Variants in NUP98 observed in about 807,000 individuals in gnomAD.
NUP98 encodes the protein nucleoporin 98 and 96 precursor.
Under a neutral mutation model 191.9 loss-of-function variants are expected in NUP98, and 26 were observed. The ratio of observed to expected loss-of-function variants is 0.14; its 90% confidence interval spans 0.10 to 0.19. The LOEUF (loss-of-function observed/expected upper bound fraction) is 0.19, where lower values mean the gene tolerates loss of function less well. NUP98 is among the 10% of genes least tolerant of loss of function. NUP98 has a pLI of 1.00. For missense variants in NUP98, 1,941 were observed against 2,178.8 expected (o/e 0.89, Z 2.17); for synonymous variants, 808 against 778.4 (o/e 1.04, Z -0.63).
At chr11:3,721,274 C>T (rs1203836500) in intron 16 of NUP98, among the ~76,000 whole-genome samples, 1 of 152,142 alleles carries the variant, frequency 6.6e-6, no homozygotes, top group Non-Finnish European at 1.5e-5. Context: ...CTTGTGTTGG[C>T]TTATACTGTA....
intron 10 of NUP98, 85 bp from the exon 11 acceptor site, chr11:3,753,493 G>A: frequency 9.7e-7 from 1 of 1,026,320 alleles, no homozygotes; most frequent in Non-Finnish European, 1.5e-6. Context: ...AAAGCAGTCT[G>A]ACTTTAAGTT....
At chr11:3,766,114 C>T (rs552791151) in intron 8 of NUP98, among the ~76,000 whole-genome samples, 54 of 152,322 alleles carry the variant, frequency 3.5e-4, no homozygotes, top group African/African-American at 1.3e-3. Context: ...GCTGCTCACA[C>T]CTGTAATCTC....
At chr11:3,724,827 A>C (rs2079555610) in intron 15 of NUP98, among the ~76,000 whole-genome samples, 1 of 151,484 alleles carries the variant, frequency 6.6e-6, no homozygotes, top group African/African-American at 2.4e-5. Flanking sequence ...TATCCCTTAA[A>C]GGGCTAAAGG....
chr11:3,779,059 T>C lies in NUP98; in HGVS notation c.179-10A>G, dbSNP rs1433834555. 6.2e-7 allele frequency: 1 copy of C among 1,614,030 alleles called. No individual in the cohort carries two copies. Among genetic ancestry groups the C allele is most frequent in the Admixed American group, 1.7e-5 (1 of 59,996 alleles). On this transcript the variant is annotated splice_polypyrimidine_tract_variant and intron_variant, in intron 3 of 32. Coordinates refer to ENST00000324932, the MANE Select transcript of NUP98 (RefSeq NM_016320.5). ...GTTCCAAACAATCCTCCTGAGGAGA[T>C]GGAGAAGGAGGGAAAAAGTTAAGTA...
At chr11:3,703,827 A>AT (rs1491459256) in intron 22 of NUP98, among the ~76,000 whole-genome samples, 1 of 152,090 alleles carries the variant, frequency 6.6e-6, no homozygotes, top group Non-Finnish European at 1.5e-5. Context: ...TTAAAAAAAA[A>AT]TTTTTTTAAC....
At chr11:3,792,328 G>A (rs2082383729) in intron 1 of NUP98, among the ~76,000 whole-genome samples, 1 of 152,032 alleles carries the variant, frequency 6.6e-6, no homozygotes, top group Non-Finnish European at 1.5e-5. Context: ...GAATATCTGG[G>A]CCAGGCCTAT....
intron 13 of NUP98, 110 bp downstream of exon 13, chr11:3,735,081 A>T: frequency 1.0e-6 from 1 of 960,264 alleles, no homozygotes; most frequent in Non-Finnish European, 1.4e-6. Context: ...AAAATTAATT[A>T]CACCTAGCTT....
Position 3,762,895 on chromosome 11 carries a change from A to C in NUP98, c.1086+7T>G. The C allele has an allele frequency of 6.2e-7, 1 of 1,612,026 alleles. No homozygotes were observed. Among genetic ancestry groups the C allele is most frequent in the Non-Finnish European group, 8.5e-7 (1 of 1,179,432 alleles). On this transcript the variant is annotated splice_region_variant and intron_variant, in intron 9 of 32. Transcript: ENST00000324932. ...TCTTCAAATTACAGTCAACTGCAGA[A>C]ACCTACCGAACCAACAGCACCAAAT...
chr11:3,689,357 T>C (rs557523678), intron 28 of NUP98, among the ~76,000 whole-genome samples: 1 of 152,082 alleles, frequency 6.6e-6, no homozygotes, highest in African/African-American at 2.4e-5. Flanking sequence ...AAACCCTGTC[T>C]CTACTAAAAA....
At chr11:3,693,052 G>T (rs2078368294) in intron 27 of NUP98, 180 bp downstream of exon 27, 3 of 593,428 alleles carry the variant, frequency 5.1e-6, no homozygotes, top group Non-Finnish European at 5.8e-6. Flanking sequence ...ACAGCAGTGA[G>T]AAAGTCAACT....
At chr11:3,695,633 T>C in intron 25 of NUP98, 27 bp from the exon 26 acceptor site, 1 of 1,514,928 alleles carries the variant, frequency 6.6e-7, no homozygotes, top group South Asian at 1.3e-5. Context: ...AGTTTTTTGG[T>C]TATTACTAAG....
chr11:3,726,192 GAAGTT>G (rs1015438944), intron 14 of NUP98, among the ~76,000 whole-genome samples: 29 of 151,394 alleles, frequency 1.9e-4, no homozygotes, highest in Admixed American at 2.6e-4. Context: ...TTTTCATCTA[GAAGTT>G]AATAACAAAA....
rs538718685 is a variant in NUP98 at position 3,791,174 on chromosome 11, C to T, written c.-29+6226G>A. ...CCTCCCAAAGTGCTGGGATTACAGGCGTGAGCCACTGCGCCCCGCCCACCA... is the reference window on the plus strand; with the variant it reads ...CCTCCCAAAGTGCTGGGATTACAGGTGTGAGCCACTGCGCCCCGCCCACCA... On this transcript the variant is annotated intron_variant, in intron 1 of 32. Transcript: ENST00000324932. Among the ~76,000 whole-genome samples, 120 of 152,138 alleles carry T rather than the reference C, an allele frequency of 7.9e-4. No individual in the cohort carries two copies. The Middle Eastern group carries it at 0.01, about 13-fold the overall frequency.
intron 11 of NUP98, 103 bp downstream of exon 11, chr11:3,753,213 G>A (rs1344472911): frequency 5.1e-6 from 5 of 974,950 alleles, no homozygotes; most frequent in Non-Finnish European, 8.0e-6. Flanking sequence ...CGAAAAGGTA[G>A]ACTTCTTAAT....
Position 3,771,795 on chromosome 11 carries a change from G to C in NUP98, c.737C>G (p.Thr246Ser). The change falls in exon 7 of 33, where the codon ACT becomes AGT. Residue 246 changes from threonine (T) to serine (S), a missense_variant. Transcript: ENST00000324932. ...SATGLFSSST[T>S]NSGFAYGQNK... The stretch of plus-strand genomic sequence containing the variant: ...CTGACCATATGCAAAGCCTGAATTA[G>C]TGGTGGAGGAGCTGAAGAGTCCTGT... The C allele has an allele frequency of 1.2e-6, 2 of 1,614,198 alleles. No homozygotes were observed. The highest frequency in any genetic ancestry group is 1.7e-6 in the Non-Finnish European group (2 of 1,180,038).
chr11:3,786,172 G>C (rs1227487405), intron 1 of NUP98, among the ~76,000 whole-genome samples: 1 of 152,200 alleles, frequency 6.6e-6, no homozygotes, highest in Non-Finnish European at 1.5e-5. Flanking sequence ...AATGCTTCTA[G>C]AGTCTAGAGC....
At position 3,684,437 on chromosome 11, in the gene NUP98, G is replaced by T. The variant is rs112566948; in HGVS notation, c.4677-996C>A. ...TTTCTGAATTCCTAAGCTTTTCAATGACTTCCACTGTCATCACAACTGCCT... is the reference window on the plus strand; with the variant it reads ...TTTCTGAATTCCTAAGCTTTTCAATTACTTCCACTGTCATCACAACTGCCT... On this transcript the variant is annotated intron_variant, in intron 29 of 32. Coordinates refer to ENST00000324932, the MANE Select transcript of NUP98 (RefSeq NM_016320.5). Among the ~76,000 whole-genome samples, 1,458 of 152,088 alleles carry T rather than the reference G, an allele frequency of 9.6e-3. 27 individuals are homozygous for T. The highest frequency in any genetic ancestry group is 0.031 in the African/African-American group (1,300 of 41,470).
chr11:3,685,852 C>T (rs145756573), intron 29 of NUP98, 121 bp downstream of exon 29: 32 of 743,976 alleles, frequency 4.3e-5, no homozygotes, highest in Middle Eastern at 3.8e-4. Context: ...TTTATCACAA[C>T]GCTGGATCTA....
intron 26 of NUP98, among the ~76,000 whole-genome samples, chr11:3,694,617 G>A (rs1341440925): frequency 2.0e-5 from 3 of 152,014 alleles, no homozygotes; most frequent in Non-Finnish European, 2.9e-5. Context: ...GCAGGTGCCT[G>A]TAGTCTCAGC....
Sources: allele counts gnomAD v4.1 joint callset (sites outside exome capture counted in the v4.1 genomes callset), GRCh38; gene constraint gnomAD v4.1.1; transcripts MANE v1.5; gene names NCBI Gene and HGNC (gene_info 2026-07-23, HGNC 2026-07-21).